HEYL: variants seen among roughly 807,000 people sequenced by gnomAD.
HEYL encodes the protein hairy/enhancer-of-split related with YRPW motif-like protein.
Under a neutral mutation model 18.6 loss-of-function variants are expected in HEYL, and 12 were observed. That is an observed-to-expected ratio of 0.65 (90% CI 0.41 to 1.05). HEYL has a LOEUF of 1.05. Among genes scored for constraint, HEYL ranks in the 50% least tolerant of loss-of-function variants. The pLI is 0.00. For missense variants in HEYL, 420 were observed against 444.7 expected (o/e 0.94, Z 0.50); for synonymous variants, 159 against 179.6 (o/e 0.89, Z 0.91).
intron 3 of HEYL, 81 bp downstream of exon 3, chr1:39,631,415 C>A: frequency 8.5e-7 from 1 of 1,170,506 alleles, no homozygotes; most frequent in Non-Finnish European, 1.3e-6. Flanking sequence ...TGCTACCAAT[C>A]AACAAGAGAT....
At chr1:39,632,505 A>G (rs1010298938) in intron 2 of HEYL, 144 bp downstream of exon 2, 10 of 753,354 alleles carry the variant, frequency 1.3e-5, no homozygotes, top group Non-Finnish European at 2.2e-5. Flanking sequence ...AATCACCCTG[A>G]TAGCTAGTGA....
Position 39,632,284 on chromosome 1 carries a change from C to T in HEYL, c.147+365G>A, listed in dbSNP as rs974981971. Among the ~76,000 whole-genome samples the T allele has an allele frequency of 3.3e-5, 5 of 152,146 alleles. No individual in the cohort carries two copies. In the East Asian group the frequency reaches 9.6e-4, roughly 29 times the overall value. ...CCTTCTTCTGTCCCCTCCCCCACCCCGGCACACTGAGGGGGATGAAAGTTC... is the reference window on the plus strand; with the variant it reads ...CCTTCTTCTGTCCCCTCCCCCACCCTGGCACACTGAGGGGGATGAAAGTTC... On this transcript the variant is annotated intron_variant, in intron 2 of 4. Transcript: ENST00000372852.
intron 4 of HEYL, 127 bp downstream of exon 4, chr1:39,630,100 G>A: frequency 2.6e-6 from 2 of 755,606 alleles, no homozygotes; most frequent in Admixed American, 2.0e-5. Flanking sequence ...CTTTGCAAAT[G>A]TTCCCTCCAT....
rs1350580905 is a variant in HEYL, at chr1:39,623,963, AC to A, written c.*2543del. ...GTGAGGTTTTCAAACTAAAGATGAT[AC>A]GATATGACCTGCAGCTTTCAATTTC... is the stretch of plus-strand genomic sequence containing the variant. On this transcript the variant is annotated 3_prime_UTR_variant, in exon 5 of 5. Coordinates refer to ENST00000372852, the MANE Select transcript of HEYL (RefSeq NM_014571.4). 2.0e-5 allele frequency among the ~76,000 whole-genome samples: 3 copies of A among 152,318 alleles called. No individual in the cohort carries two copies. The highest frequency in any genetic ancestry group is 2.0e-4 in the Admixed American group (3 of 15,304).
chr1:39,632,763 C>G (rs1249820589), intron 1 of HEYL, 48 bp from the exon 2 acceptor site: 3 of 1,609,200 alleles, frequency 1.9e-6, no homozygotes, highest in Non-Finnish European at 2.5e-6. Context: ...GGGACAGTCT[C>G]CCCGGCCTGG....
At chr1:39,639,477 C>G in intron 1 of HEYL, 69 bp downstream of exon 1, 1 of 1,360,930 alleles carries the variant, frequency 7.3e-7, no homozygotes, top group Non-Finnish European at 1.0e-6. Context: ...GCCTGCTCGG[C>G]GAGCCCGTCG....
chr1:39,631,974 G>A (rs898432168), intron 2 of HEYL, among the ~76,000 whole-genome samples: 2 of 152,192 alleles, frequency 1.3e-5, no homozygotes, highest in African/African-American at 4.8e-5. Flanking sequence ...GGAGTCCCAC[G>A]TGTTGCTCTC....
At chr1:39,633,002 G>C in intron 1 of HEYL, 1 of 974,850 alleles carries the variant, frequency 1.0e-6, no homozygotes, top group Non-Finnish European at 1.2e-6. Flanking sequence ...CGGTGGCTCC[G>C]GCTCCTGCAA....
rs201157311 is a variant in HEYL, at chr1:39,626,628, G to C, written c.866C>G (p.Ser289Trp). The change falls in exon 5 of 5, where the codon TCG becomes TGG. Residue 289 changes from serine to tryptophan, a missense_variant. Transcript: ENST00000372852. ...SSPTPPGPTG[S>W]AAYVAVPTPN... Reference sequence around the variant, plus strand: ...GGTGGGAACAGCCACGTAAGCAGCCGACCCTGTAGGACCAGGGGGTGTTGG... The same window carrying C: ...GGTGGGAACAGCCACGTAAGCAGCCCACCCTGTAGGACCAGGGGGTGTTGG... The C allele has an allele frequency of 3.2e-5, 49 of 1,541,500 alleles. No individual in the cohort carries two copies. In the Admixed American group the frequency reaches 9.1e-4, roughly 29 times the overall value.
Position 39,626,945 on chromosome 1 carries a change from A to T in HEYL, c.549T>A (p.Cys183Ter). ...PAWPWSFFHSCPGLPALSNQL... is the reference protein window; with the variant it reads ...PAWPWSFFHS ...GGTTGCTCAGGGCTGGCAGCCCTGG[A>T]CAGCTATGGAAGAAAGACCAGGGCC... is the stretch of plus-strand genomic sequence containing the variant. The change falls in exon 5 of 5, where the codon TGT becomes TGA. Residue 183 changes from cysteine (C) to a stop codon, truncating the protein, a stop_gained. Transcript: ENST00000372852. LOFTEE classifies it low-confidence loss of function (END_TRUNC). 1 of 1,613,800 alleles carries T rather than the reference A, an allele frequency of 6.2e-7. No individual in the cohort carries two copies. Among genetic ancestry groups the T allele is most frequent in the Non-Finnish European group, 8.5e-7 (1 of 1,179,728 alleles).
chr1:39,630,425 A>G (rs1646326813), intron 3 of HEYL, 117 bp from the exon 4 acceptor site: 3 of 822,722 alleles, frequency 3.6e-6, no homozygotes, highest in South Asian at 2.7e-5. Flanking sequence ...GCTGCCTGCA[A>G]ATGGGCTTCT....
At chr1:39,637,383 C>A (rs963148616) in intron 1 of HEYL, among the ~76,000 whole-genome samples, 1 of 152,234 alleles carries the variant, frequency 6.6e-6, no homozygotes, top group Admixed American at 6.5e-5. Context: ...GAGAGGCTGG[C>A]TGCCTCCGTC....
intron 2 of HEYL, among the ~76,000 whole-genome samples, chr1:39,632,358 A>G (rs752795560): frequency 1.3e-5 from 2 of 152,214 alleles, no homozygotes; most frequent in Non-Finnish European, 2.9e-5. Context: ...ATAATGGCCT[A>G]TTGTGTGTCT....
chr1:39,632,673 C>A lies in HEYL; in HGVS notation c.123G>T (p.Met41Ile), dbSNP rs1646340386. The change falls in exon 2 of 5, where the codon ATG (methionine) becomes ATT (isoleucine). Residue 41 changes from methionine to isoleucine, a missense_variant. Met to Ile is a conservative substitution (Grantham distance 10, BLOSUM62 1). Transcript: ENST00000372852. Reference protein sequence around the residue: ...RPLSTPSSSQMQARKKHRGII... With the variant: ...RPLSTPSSSQIQARKKHRGII... ...CCCCTCTGTGTTTCTTCCTGGCTTG[C>A]ATCTGCGAAGAGCTGGGGGTGGACA... is the stretch of plus-strand genomic sequence containing the variant. 3.1e-6 allele frequency: 5 copies of A among 1,613,968 alleles called. No individual in the cohort carries two copies. The East Asian group carries it at 1.1e-4, about 36-fold the overall frequency.
intron 1 of HEYL, chr1:39,633,660 CAAACAAG>C (rs1646348314): frequency 6.6e-6 from 1 of 152,402 alleles, no homozygotes; most frequent in South Asian, 2.1e-4. Context: ...CAACAAACAA[CAAACAAG>C]GTGACTCCCC....
intron 4 of HEYL, among the ~76,000 whole-genome samples, chr1:39,628,555 A>C (rs1646314325): frequency 1.3e-5 from 2 of 150,972 alleles, no homozygotes; most frequent in African/African-American, 4.9e-5. Flanking sequence ...TTGGGATTAC[A>C]GGTGTGAGCC....
At chr1:39,634,675 A>G (rs915702057) in intron 1 of HEYL, among the ~76,000 whole-genome samples, 3 of 152,128 alleles carry the variant, frequency 2.0e-5, no homozygotes, top group Non-Finnish European at 4.4e-5. Context: ...TCCTCCCACT[A>G]GTGTCCCCTG....
intron 1 of HEYL, among the ~76,000 whole-genome samples, chr1:39,637,638 T>C (rs370420225): frequency 6.6e-6 from 1 of 152,216 alleles, no homozygotes; most frequent in African/African-American, 2.4e-5. Context: ...GATGTCCAGC[T>C]GCTTTCTCTC....
rs1318053157 is a variant in HEYL, at chr1:39,625,409, C to G, written c.*1098G>C. 6.6e-6 allele frequency: 1 copy of G among 152,252 alleles called. No homozygotes were observed. The highest frequency in any genetic ancestry group is 2.4e-5 in the African/African-American group (1 of 41,442). The allele number at this position is 152,252 out of a possible 1,614,324, so 9.4% of individuals were successfully genotyped here. On this transcript the variant is annotated 3_prime_UTR_variant, in exon 5 of 5. Transcript: ENST00000372852. ...CCTGGTGAACAGGATCTCAGGCGCTCGACCCACTGCATGACCTTGAAGGGC... is the reference window on the plus strand; with the variant it reads ...CCTGGTGAACAGGATCTCAGGCGCTGGACCCACTGCATGACCTTGAAGGGC...
Sources: allele counts gnomAD v4.1 joint callset (sites outside exome capture counted in the v4.1 genomes callset), GRCh38; gene constraint gnomAD v4.1.1; transcripts MANE v1.5; gene names NCBI Gene and HGNC (gene_info 2026-07-23, HGNC 2026-07-21).